FBXW11: variants seen among roughly 807,000 people sequenced by gnomAD.
FBXW11 encodes the protein F-box and WD repeat domain containing 11, also known as F-box/WD repeat-containing protein 11.
FBXW11 carries 19 observed loss-of-function variants against 77.6 expected under a neutral mutation model. The observed-to-expected ratio is 0.24, with a 90% CI of 0.17 to 0.36. FBXW11 has a LOEUF of 0.36. FBXW11 is among the 10% of genes least tolerant of loss of function. The pLI is 1.00. For missense variants in FBXW11, 334 were observed against 704.2 expected, an observed-to-expected ratio of 0.47 and a Z score of 5.95; for synonymous variants, 235 against 249.4, an observed-to-expected ratio of 0.94 and a Z score of 0.54.
intron 6 of FBXW11, among the ~76,000 whole-genome samples, chr5:171,896,176 C>T (rs946262616): frequency 5.3e-5 from 8 of 151,898 alleles, no homozygotes; most frequent in Admixed American, 2.6e-4. Flanking sequence ...AATCTGGGAA[C>T]GTACAGATTA....
rs538512007 is a variant in FBXW11 at position 171,991,500 on chromosome 5, G to C, written c.45+14958C>G. 3.9e-4 allele frequency among the ~76,000 whole-genome samples: 60 copies of C among 152,290 alleles called. 3 individuals carry two copies. The South Asian group carries it at 0.011, about 28-fold the overall frequency. ...CCTCACGTTGTGATGTTAAAAGTGT[G>C]TGTCTTTAAAATACCATAAGCACAC... On this transcript the variant is annotated intron_variant, in intron 1 of 13. Coordinates refer to ENST00000517395, the MANE Select transcript of FBXW11 (RefSeq NM_001378974.1).
At chr5:171,882,479 T>C (rs1226985598) in intron 7 of FBXW11, among the ~76,000 whole-genome samples, 1 of 152,066 alleles carries the variant, frequency 6.6e-6, no homozygotes, top group Non-Finnish European at 1.5e-5. Flanking sequence ...TGTTTTTTAA[T>C]TTTTTTGTAG....
chr5:171,916,490 C>G (rs188614725), intron 2 of FBXW11: 1 of 984,956 alleles, frequency 1.0e-6, no homozygotes, highest in South Asian at 4.7e-5. Flanking sequence ...GTCCAAGAGT[C>G]CAAAACAGGA....
At chr5:171,872,174 T>C (rs1757791965) in intron 10 of FBXW11, among the ~76,000 whole-genome samples, 1 of 152,262 alleles carries the variant, frequency 6.6e-6, no homozygotes, top group African/African-American at 2.4e-5. Flanking sequence ...TAGTCACTTA[T>C]GTAAAGCTAC....
At chr5:171,987,629 T>C (rs1423889140) in intron 1 of FBXW11, among the ~76,000 whole-genome samples, 1 of 152,104 alleles carries the variant, frequency 6.6e-6, no homozygotes, top group Admixed American at 6.5e-5. Flanking sequence ...TTTTTTTGTA[T>C]TTTTAGTGAG....
chr5:171,969,579 T>C (rs1170078715), intron 1 of FBXW11, among the ~76,000 whole-genome samples: 1 of 152,266 alleles, frequency 6.6e-6, no homozygotes, highest in Non-Finnish European at 1.5e-5. Flanking sequence ...AATAAAGCCA[T>C]ATTGCTTAAA....
intron 3 of FBXW11, among the ~76,000 whole-genome samples, chr5:171,913,114 T>TC (rs1319994621): frequency 6.6e-6 from 1 of 152,068 alleles, no homozygotes; most frequent in Non-Finnish European, 1.5e-5. Context: ...ATGCTTTCCT[T>TC]CCCCCTTTAT....
In FBXW11 at chr5:171,861,995, G is replaced by C. The variant is rs545453193; in HGVS notation, c.*2132C>G. 2 of 152,696 alleles carry C rather than the reference G, an allele frequency of 1.3e-5. No individual in the cohort carries two copies. The highest frequency in any genetic ancestry group is 4.8e-5 in the African/African-American group (2 of 41,534). 9.5% of individuals were successfully genotyped at this position (152,696 alleles called of 1,614,324 possible). On this transcript the variant is annotated 3_prime_UTR_variant, in exon 14 of 14. Coordinates refer to ENST00000517395, the MANE Select transcript of FBXW11 (RefSeq NM_001378974.1). ...TGCCAAAGTCCCCTGCTATAATTTA[G>C]TAGGCACAATTCAAAGGTTGTCTGC...
At chr5:171,897,423 C>T (rs1759815441) in intron 6 of FBXW11, among the ~76,000 whole-genome samples, 1 of 152,186 alleles carries the variant, frequency 6.6e-6, no homozygotes, top group Non-Finnish European at 1.5e-5. Context: ...GATGTAGAGG[C>T]TGTGTCGCAC....
Position 172,006,576 on chromosome 5 carries a change from G to A in FBXW11, c.-74C>T. On this transcript the variant is annotated 5_prime_UTR_variant, in exon 1 of 14. Transcript: ENST00000517395. ...CCCGGGCGGAGGAGGCGACGGCGGA[G>A]GCGGCAGAGGCGGAGGCGGCTATCG... is the stretch of plus-strand genomic sequence containing the variant. 1 of 1,420,752 alleles carries A rather than the reference G, an allele frequency of 7.0e-7. No homozygotes were observed. Among genetic ancestry groups the A allele is most frequent in the Non-Finnish European group, 9.2e-7 (1 of 1,085,028 alleles). The allele number at this position is 1,420,752 out of a possible 1,614,324, so 88.0% of individuals were successfully genotyped here.
chr5:171,935,440 G>C (rs1762424554), intron 2 of FBXW11, among the ~76,000 whole-genome samples: 1 of 151,908 alleles, frequency 6.6e-6, no homozygotes, highest in South Asian at 2.1e-4. Context: ...AATTCAAAAA[G>C]CTTTCCAGAG....
intron 4 of FBXW11, among the ~76,000 whole-genome samples, chr5:171,900,778 A>G (rs1405905474): frequency 6.6e-6 from 1 of 152,178 alleles, no homozygotes; most frequent in East Asian, 1.9e-4. Context: ...GACAATCCTC[A>G]AAAGCAATAG....
chr5:171,905,599 C>T (rs528913081), intron 4 of FBXW11, among the ~76,000 whole-genome samples: 51 of 118,020 alleles, frequency 4.3e-4, no homozygotes, highest in African/African-American at 1.4e-3. Flanking sequence ...ACCCCCCCCC[C>T]TTTATTTTCT....
At position 171,961,483 on chromosome 5, in the gene FBXW11, A is replaced by T. The variant is rs117337209; in HGVS notation, c.46-3785T>A. Among the ~76,000 whole-genome samples, 68 of 152,328 alleles carry T rather than the reference A, an allele frequency of 4.5e-4. No homozygotes were observed. The East Asian group carries it at 9.4e-3, about 21-fold the overall frequency. ...TAGGAAATACACCCACCTTTTAGTA[A>T]GAAAGTCTGTACCCGCTAGCCAAAA... On this transcript the variant is annotated intron_variant, in intron 1 of 13. Coordinates refer to ENST00000517395, the MANE Select transcript of FBXW11 (RefSeq NM_001378974.1).
intron 4 of FBXW11, among the ~76,000 whole-genome samples, chr5:171,909,682 C>T (rs1760758613): frequency 6.6e-6 from 1 of 151,290 alleles, no homozygotes; most frequent in Non-Finnish European, 1.5e-5. Flanking sequence ...TAAATTTAAC[C>T]AGATGTGTGT....
At chr5:171,937,546 G>A (rs571113072) in intron 2 of FBXW11, among the ~76,000 whole-genome samples, 7 of 152,138 alleles carry the variant, frequency 4.6e-5, no homozygotes, top group Non-Finnish European at 8.8e-5. Flanking sequence ...TTATAAAAAC[G>A]CAGTGGGGGC....
chr5:171,971,766 T>C (rs1330754721), intron 1 of FBXW11, among the ~76,000 whole-genome samples: 2 of 152,220 alleles, frequency 1.3e-5, no homozygotes, highest in Non-Finnish European at 2.9e-5. Flanking sequence ...GTGGACTGCT[T>C]GAGCACAGGA....
rs1400449241 is a variant in FBXW11, at chr5:171,869,091, G to A, written c.1531-295C>T. Among the ~76,000 whole-genome samples, 2 of 152,126 alleles carry A rather than the reference G, an allele frequency of 1.3e-5. No homozygotes were observed. Among genetic ancestry groups the A allele is most frequent in the African/African-American group, 4.8e-5 (2 of 41,390 alleles). On this transcript the variant is annotated intron_variant, in intron 12 of 13. Transcript: ENST00000517395. The surrounding 1 kb of genome is among the most constrained non-coding windows in gnomAD (Gnocchi z 4.1). ...ACAACAATACATAATACCCATTCTT[G>A]ATACACTCTAAAAATCCACTGGAAA...
intron 6 of FBXW11, among the ~76,000 whole-genome samples, chr5:171,897,912 G>A (rs1229103217): frequency 6.6e-6 from 1 of 152,124 alleles, no homozygotes; most frequent in Non-Finnish European, 1.5e-5. Context: ...TCAGCCACTA[G>A]CACTGTAGGG....
Sources: gnomAD v4.1 joint callset for allele counts (sites outside exome capture counted in the v4.1 genomes callset) on GRCh38, gnomAD v4.1.1 for gene constraint, Gnocchi (gnomAD v3.1) non-coding constraint, MANE v1.5 for transcripts, NCBI Gene and HGNC (gene_info 2026-07-23, HGNC 2026-07-21) for gene names.